The following ANKRD42 variants were observed in gnomAD, a reference collection of about 807,000 sequenced individuals.
ANKRD42 encodes the protein ankyrin repeat domain 42.
ANKRD42 carries 43 observed loss-of-function variants against 51.5 expected under a neutral mutation model. That is an observed-to-expected ratio of 0.83 (90% confidence interval 0.65 to 1.08). The LOEUF (loss-of-function observed/expected upper bound fraction) is 1.08, where lower values mean the gene tolerates loss of function less well. Among genes scored for constraint, ANKRD42 ranks in the 50% least tolerant of loss-of-function variants. ANKRD42 has a pLI of 0.00. For missense variants in ANKRD42, 608 were observed against 629.3 expected (o/e 0.97, Z 0.36); for synonymous variants, 203 against 213.0 (o/e 0.95, Z 0.41).
At position 83,244,911 on chromosome 11, in the gene ANKRD42, C is replaced by CTT. The variant is rs903045976; in HGVS notation, c.1196-577_1196-576dup. 2.7e-5 allele frequency among the ~76,000 whole-genome samples: 4 copies of CTT among 147,138 alleles called. No individual in the cohort carries two copies. The South Asian group carries it at 6.5e-4, about 24-fold the overall frequency. ...CCATTAGTCCTAAAACACTGCTAGT[C>CTT]TTTTTTTTTTTGAGACGGAGTCTTG... is the stretch of plus-strand genomic sequence containing the variant. On this transcript the variant is annotated intron_variant, in intron 9 of 10. Coordinates refer to ENST00000533342, the MANE Select transcript of ANKRD42 (RefSeq NM_001300975.2).
chr11:83,242,933 A>G (rs952810908), intron 9 of ANKRD42, among the ~76,000 whole-genome samples: 1 of 152,122 alleles, frequency 6.6e-6, no homozygotes. Context: ...TGCTGTGTGA[A>G]TAGTGCTGCG....
At chr11:83,195,907 C>T (rs1275834039) in intron 1 of ANKRD42, among the ~76,000 whole-genome samples, 1 of 149,888 alleles carries the variant, frequency 6.7e-6, no homozygotes, top group Non-Finnish European at 1.5e-5. Context: ...TGCAGTGGCG[C>T]GGTCCTCAGC....
At chr11:83,256,432 T>G (rs1279827790), downstream of ANKRD42, among the ~76,000 whole-genome samples, 1 of 152,186 alleles carries the variant, frequency 6.6e-6, no homozygotes, top group Non-Finnish European at 1.5e-5. Flanking sequence ...TAAGAAACAC[T>G]TGGCTTTATT....
chr11:83,240,947 C>T lies in ANKRD42; in HGVS notation c.1195+13C>T. On this transcript the variant is annotated intron_variant, in intron 9 of 10. Transcript: ENST00000533342. Reference sequence around the variant, plus strand: ...ACAGATGCCAGAAGTAAGTATGCTGCCTCTGTTGTGATTTATCCTTTCAGA... The same window carrying T: ...ACAGATGCCAGAAGTAAGTATGCTGTCTCTGTTGTGATTTATCCTTTCAGA... The T allele has an allele frequency of 6.2e-7, 1 of 1,603,282 alleles. No homozygotes were observed. The highest frequency in any genetic ancestry group is 2.2e-5 in the East Asian group (1 of 44,672).
chr11:83,212,685 CCTTGG>C, intron 5 of ANKRD42: 1 of 1,536,098 alleles, frequency 6.5e-7, no homozygotes, highest in Non-Finnish European at 8.7e-7. Context: ...GCCTCTGATT[CCTTGG>C]CTTGGCATGC....
chr11:83,254,187 T>A (rs1316957242), intron 11 of ANKRD42, among the ~76,000 whole-genome samples: 2 of 152,010 alleles, frequency 1.3e-5, no homozygotes, highest in Non-Finnish European at 2.9e-5. Context: ...TTGTCCAGGT[T>A]GGTCTCAAAC....
At chr11:83,210,190 A>C in intron 3 of ANKRD42, 110 bp from the exon 4 acceptor site, 1 of 1,067,312 alleles carries the variant, frequency 9.4e-7, no homozygotes, top group South Asian at 1.7e-5. Context: ...GAACATACAT[A>C]AGAATTTAGC....
intron 5 of ANKRD42, among the ~76,000 whole-genome samples, chr11:83,219,240 T>C (rs1862638672): frequency 6.6e-6 from 1 of 152,238 alleles, no homozygotes; most frequent in Non-Finnish European, 1.5e-5. Flanking sequence ...GATTTAACCA[T>C]GCTTACCAGC....
chr11:83,263,810 T>A (rs1252504208), downstream of ANKRD42, among the ~76,000 whole-genome samples: 1 of 152,168 alleles, frequency 6.6e-6, no homozygotes, highest in African/African-American at 2.4e-5. Flanking sequence ...GTCACAGATT[T>A]AAAGAGTAAG....
chr11:83,263,382 A>G (rs566327122), downstream of ANKRD42, among the ~76,000 whole-genome samples: 1 of 152,296 alleles, frequency 6.6e-6, no homozygotes, highest in East Asian at 1.9e-4. Flanking sequence ...CTGTTGTTGC[A>G]GTAACAACAA....
downstream of ANKRD42, among the ~76,000 whole-genome samples, chr11:83,252,305 C>T (rs1863688925): frequency 6.6e-6 from 1 of 152,168 alleles, no homozygotes; most frequent in Non-Finnish European, 1.5e-5. Flanking sequence ...CCAGTGGTGG[C>T]AGTGTAAATT....
chr11:83,195,928 C>A (rs1369982388), intron 1 of ANKRD42, among the ~76,000 whole-genome samples: 2 of 151,008 alleles, frequency 1.3e-5, no homozygotes, highest in Non-Finnish European at 2.9e-5. Context: ...TCACTGCAAT[C>A]TCCGCCTTCC....
intron 3 of ANKRD42, among the ~76,000 whole-genome samples, chr11:83,208,410 C>T (rs933252187): frequency 5.9e-5 from 9 of 151,716 alleles, no homozygotes; most frequent in African/African-American, 1.7e-4. Flanking sequence ...TATATTTACA[C>T]GTACACATAA....
chr11:83,216,357 G>GCT (rs1461948293), intron 5 of ANKRD42, among the ~76,000 whole-genome samples: 2 of 148,760 alleles, frequency 1.3e-5, no homozygotes, highest in African/African-American at 2.5e-5. Flanking sequence ...ACGGAGTCTC[G>GCT]CTGTCGCCCA....
rs367970066 is a variant in ANKRD42, at chr11:83,206,042, A to T, written c.223-16A>T. ...AACATCCACTTTATCACTTGTTAAC[A>T]TGGTTATTTTCTTAGTGTCTTCATT... On this transcript the variant is annotated splice_polypyrimidine_tract_variant and intron_variant, in intron 2 of 10. Transcript: ENST00000533342. The T allele has an allele frequency of 6.3e-7, 1 of 1,597,906 alleles. No individual in the cohort carries two copies.
intron 5 of ANKRD42, among the ~76,000 whole-genome samples, chr11:83,222,997 C>T (rs1862760224): frequency 6.6e-6 from 1 of 152,122 alleles, no homozygotes; most frequent in African/African-American, 2.4e-5. Context: ...TGCTTGTAGT[C>T]CCAGTAGTTT....
At chr11:83,199,372 G>C (rs1366021555) in intron 2 of ANKRD42, among the ~76,000 whole-genome samples, 1 of 151,968 alleles carries the variant, frequency 6.6e-6, no homozygotes, top group Non-Finnish European at 1.5e-5. Flanking sequence ...TTATATAAAT[G>C]ATATCACATT....
chr11:83,243,157 A>G (rs1272838716), intron 9 of ANKRD42, among the ~76,000 whole-genome samples: 4 of 152,210 alleles, frequency 2.6e-5, no homozygotes, highest in Non-Finnish European at 4.4e-5. Flanking sequence ...ACTTTTTAAT[A>G]ATAGCCATTC....
chr11:83,203,965 C>T (rs760921649), intron 2 of ANKRD42, among the ~76,000 whole-genome samples: 3 of 152,032 alleles, frequency 2.0e-5, no homozygotes, highest in Non-Finnish European at 4.4e-5. Flanking sequence ...CTTTTCAAGA[C>T]AGAGTCTGGT....
Sources: gnomAD v4.1 joint callset for allele counts (sites outside exome capture counted in the v4.1 genomes callset) on GRCh38, gnomAD v4.1.1 for gene constraint, MANE v1.5 for transcripts, NCBI Gene and HGNC (gene_info 2026-07-23, HGNC 2026-07-21) for gene names.